Variants in MEGF11 observed in about 807,000 individuals in gnomAD.
The protein encoded by MEGF11 is multiple epidermal growth factor-like domains protein 11.
A neutral mutation model predicts 146.6 loss-of-function variants in MEGF11; 126 were observed. That is an observed-to-expected ratio of 0.86 (90% CI 0.74 to 1.00). The LOEUF is 1.00. Among genes scored for constraint, MEGF11 ranks in the 50% least tolerant of loss-of-function variants. MEGF11 has a pLI of 0.00. For synonymous variants in MEGF11, 532 were observed against 583.4 expected, an observed-to-expected ratio of 0.91 and a Z score of 1.27; for missense variants, 1,509 against 1,521.2, an observed-to-expected ratio of 0.99 and a Z score of 0.13.
intron 5 of MEGF11, among the ~76,000 whole-genome samples, chr15:66,073,432 C>G (rs2085452344): frequency 6.6e-6 from 1 of 152,226 alleles, no homozygotes; most frequent in East Asian, 1.9e-4. Context: ...AGACCCACCT[C>G]TTCACTCCAT....
intron 7 of MEGF11, among the ~76,000 whole-genome samples, chr15:65,971,958 A>C (rs775541247): frequency 2.0e-5 from 3 of 152,220 alleles, no homozygotes; most frequent in Non-Finnish European, 2.9e-5. Context: ...ATAAGAAAAC[A>C]TTGCACCTAT....
At chr15:65,998,900 G>A (rs1765972592) in intron 5 of MEGF11, among the ~76,000 whole-genome samples, 2 of 152,146 alleles carry the variant, frequency 1.3e-5, no homozygotes, top group South Asian at 4.2e-4. Context: ...GAACATCCTG[G>A]GAGCTCTTAG....
Position 65,970,544 on chromosome 15 carries a change from T to C in MEGF11, c.899+9A>G, listed in dbSNP as rs762187876. The stretch of plus-strand genomic sequence containing the variant: ...GGACAGCAAAGATAACAGTTAACAC[T>C]ATCCTTACCTGTCCCCCATGTATCC... On this transcript the variant is annotated intron_variant, in intron 8 of 25. Coordinates refer to ENST00000395614, the MANE Select transcript of MEGF11 (RefSeq NM_001385028.1). 4 of 1,613,022 alleles carry C rather than the reference T, an allele frequency of 2.5e-6. No homozygotes were observed. Among genetic ancestry groups the C allele is most frequent in the Middle Eastern group, 1.7e-4 (1 of 6,054 alleles).
intron 8 of MEGF11, among the ~76,000 whole-genome samples, chr15:65,969,211 C>A (rs1031832509): frequency 1.3e-5 from 2 of 152,178 alleles, no homozygotes. Flanking sequence ...GGAGTCCAGC[C>A]GGCTAGAGCC....
intron 5 of MEGF11, among the ~76,000 whole-genome samples, chr15:66,020,775 G>A (rs1267120185): frequency 1.3e-5 from 2 of 152,036 alleles, no homozygotes; most frequent in African/African-American, 4.8e-5. Context: ...GGCGGATCAC[G>A]AGGTCAGGAG....
intron 1 of MEGF11, among the ~76,000 whole-genome samples, chr15:66,198,576 C>G (rs1285384741): frequency 2.0e-5 from 3 of 152,196 alleles, no homozygotes; most frequent in Non-Finnish European, 4.4e-5. Flanking sequence ...ACCTCTGTCT[C>G]CTGGGTTCAA....
Position 65,897,767 on chromosome 15 carries a change from A to G in MEGF11, c.*167T>C. The G allele has an allele frequency of 3.3e-6, 2 of 603,872 alleles. No homozygotes were observed. The highest frequency in any genetic ancestry group is 5.3e-6 in the Non-Finnish European group (2 of 374,420). The allele number at this position is 603,872 out of a possible 1,614,324, so 37.4% of individuals were successfully genotyped here. On this transcript the variant is annotated 3_prime_UTR_variant, in exon 26 of 26. Transcript: ENST00000395614. ...TTGCCTTTGAGAACACAATTCCTTG[A>G]ACAATTATCCCAGTCCCACCTGGAC... is the stretch of plus-strand genomic sequence containing the variant.
intron 1 of MEGF11, among the ~76,000 whole-genome samples, chr15:66,145,077 C>A (rs2089314001): frequency 6.6e-6 from 1 of 152,214 alleles, no homozygotes; most frequent in African/African-American, 2.4e-5. Context: ...TCTCTCCAGT[C>A]CCACAGTGAA....
chr15:66,154,219 A>G (rs1597124763), intron 1 of MEGF11, among the ~76,000 whole-genome samples: 1 of 152,350 alleles, frequency 6.6e-6, no homozygotes, highest in African/African-American at 2.4e-5. Flanking sequence ...CAACAACATC[A>G]TAACTGTCAG....
intron 1 of MEGF11, among the ~76,000 whole-genome samples, chr15:66,229,982 G>A (rs1486569109): frequency 1.3e-5 from 2 of 152,216 alleles, no homozygotes; most frequent in African/African-American, 2.4e-5. Flanking sequence ...TTCCTGTCCT[G>A]TTGGGAAGTG....
At chr15:66,200,879 T>G (rs1347057226) in intron 1 of MEGF11, among the ~76,000 whole-genome samples, 1 of 152,002 alleles carries the variant, frequency 6.6e-6, no homozygotes, top group Admixed American at 6.5e-5. Flanking sequence ...CATGGAGTCT[T>G]GGGTGAGGTC....
At chr15:66,166,795 C>T (rs2090109154) in intron 1 of MEGF11, among the ~76,000 whole-genome samples, 1 of 152,122 alleles carries the variant, frequency 6.6e-6, no homozygotes, top group African/African-American at 2.4e-5. Flanking sequence ...TGTCTACACT[C>T]ACTTTGGCAT....
At chr15:65,987,821 C>T (rs1186235123) in intron 5 of MEGF11, among the ~76,000 whole-genome samples, 1 of 151,460 alleles carries the variant, frequency 6.6e-6, no homozygotes, top group Non-Finnish European at 1.5e-5. Context: ...AAGGATTCTC[C>T]TGCCTCAGCC....
intron 1 of MEGF11, among the ~76,000 whole-genome samples, chr15:66,184,785 A>G (rs2141165717): frequency 6.8e-6 from 1 of 147,732 alleles, no homozygotes; most frequent in South Asian, 2.2e-4. Context: ...TGTAACTCCC[A>G]CCCCCAACCC....
chr15:65,996,507 A>T (rs1458284129), intron 5 of MEGF11, among the ~76,000 whole-genome samples: 1 of 145,750 alleles, frequency 6.9e-6, no homozygotes. Flanking sequence ...TTAATCTCAG[A>T]TGGAGTCTCA....
chr15:66,211,511 G>A (rs2091451350), intron 1 of MEGF11, among the ~76,000 whole-genome samples: 1 of 131,680 alleles, frequency 7.6e-6, no homozygotes, highest in African/African-American at 2.9e-5. Flanking sequence ...GTGACAGAGT[G>A]AGACTCAGTC....
intron 5 of MEGF11, among the ~76,000 whole-genome samples, chr15:65,990,723 GA>G (rs2082018689): frequency 6.8e-6 from 1 of 146,832 alleles, no homozygotes; most frequent in African/African-American, 2.7e-5. Flanking sequence ...AAGAAAGAAA[GA>G]AAGAAAGAAA....
At chr15:65,908,954 C>T (rs1190193594) in intron 23 of MEGF11, 80 bp downstream of exon 23, 4 of 854,584 alleles carry the variant, frequency 4.7e-6, no homozygotes, top group Admixed American at 4.2e-5. Flanking sequence ...GGGTGGGGGT[C>T]AAGGTGCAGG....
intron 1 of MEGF11, among the ~76,000 whole-genome samples, chr15:66,138,800 A>G (rs2089010031): frequency 6.6e-6 from 1 of 152,232 alleles, no homozygotes; most frequent in Non-Finnish European, 1.5e-5. Context: ...GACACAGGTT[A>G]TGAGAAGGGC....
Sources: allele counts gnomAD v4.1 joint callset (sites outside exome capture counted in the v4.1 genomes callset), GRCh38; gene constraint gnomAD v4.1.1; transcripts MANE v1.5; gene names NCBI Gene and HGNC (gene_info 2026-07-23, HGNC 2026-07-21).